Variants in NELL2 observed in about 807,000 individuals in gnomAD.
NELL2 encodes the protein neural EGFL like 2.
Under a neutral mutation model 109.6 loss-of-function variants are expected in NELL2, and 41 were observed. The ratio of observed to expected loss-of-function variants is 0.37; its 90% confidence interval spans 0.29 to 0.49. The LOEUF is 0.49. Among genes scored for constraint, NELL2 ranks in the 20% least tolerant of loss-of-function variants. The pLI is 0.98. For missense variants in NELL2, 900 were observed against 1,008.3 expected (o/e 0.89, Z 1.45); for synonymous variants, 355 against 344.7 (o/e 1.03, Z -0.33).
At chr12:44,797,284 G>A (rs947714077) in intron 3 of NELL2, among the ~76,000 whole-genome samples, 3 of 152,066 alleles carry the variant, frequency 2.0e-5, no homozygotes, top group Admixed American at 6.6e-5. Flanking sequence ...CAGGCTCAAG[G>A]AACATGAGCC....
chr12:44,911,911 T>C (rs1257117988), intron 1 of NELL2, among the ~76,000 whole-genome samples: 1 of 151,724 alleles, frequency 6.6e-6, no homozygotes, highest in African/African-American at 2.4e-5. Context: ...ATGGCACATG[T>C]ATACATATGT....
At chr12:44,694,514 C>T (rs1387839902) in intron 12 of NELL2, among the ~76,000 whole-genome samples, 1 of 128,414 alleles carries the variant, frequency 7.8e-6, no homozygotes, top group African/African-American at 2.9e-5. Context: ...ATACAACACA[C>T]ATACAAACAC....
At chr12:44,614,214 T>C (rs973339645) in intron 13 of NELL2, among the ~76,000 whole-genome samples, 4 of 152,040 alleles carry the variant, frequency 2.6e-5, no homozygotes, top group Admixed American at 6.6e-5. Flanking sequence ...TGAAATCAAA[T>C]GCATCATTTT....
intron 13 of NELL2, among the ~76,000 whole-genome samples, chr12:44,627,352 G>A (rs755393628): frequency 2.0e-5 from 3 of 151,328 alleles, no homozygotes; most frequent in South Asian, 4.2e-4. Flanking sequence ...TTCTAACAAA[G>A]TTTTGCTTTG....
chr12:44,738,477 T>TAAA (rs78566142), intron 9 of NELL2, among the ~76,000 whole-genome samples: 47 of 142,794 alleles, frequency 3.3e-4, no homozygotes, highest in African/African-American at 1.0e-3. Flanking sequence ...TTATTTATCT[T>TAAA]AAAAAAAAAA....
intron 13 of NELL2, among the ~76,000 whole-genome samples, chr12:44,651,235 T>C (rs928498427): frequency 6.6e-6 from 1 of 152,164 alleles, no homozygotes; most frequent in African/African-American, 2.4e-5. Context: ...GCCAAAAAGA[T>C]TGGGGATCAC....
intron 15 of NELL2, among the ~76,000 whole-genome samples, chr12:44,559,258 A>C (rs1016003502): frequency 2.0e-5 from 3 of 152,246 alleles, no homozygotes; most frequent in Non-Finnish European, 4.4e-5. Flanking sequence ...CACTATGAAG[A>C]AACTGCATCA....
chr12:44,865,295 A>G (rs12816091), intron 2 of NELL2, among the ~76,000 whole-genome samples: 139,386 of 141,192 alleles, frequency 0.99, 68,846 homozygotes, highest in East Asian at 1. Context: ...AGTAGGTTGC[A>G]AAAATTTTCT....
intron 12 of NELL2, among the ~76,000 whole-genome samples, chr12:44,696,815 C>T (rs1288358025): frequency 6.6e-6 from 1 of 152,104 alleles, no homozygotes; most frequent in African/African-American, 2.4e-5. Context: ...CTCTACATTG[C>T]CTCTATTTTA....
At chr12:44,644,611 TATATATATATATATAC>T (rs1482193827) in intron 13 of NELL2, among the ~76,000 whole-genome samples, 8 of 85,748 alleles carry the variant, frequency 9.3e-5, no homozygotes, top group Non-Finnish European at 1.7e-4. Flanking sequence ...TATGTATGTA[TATATATATATATATAC>T]ATACATATAT....
intron 11 of NELL2, among the ~76,000 whole-genome samples, chr12:44,707,243 T>C (rs1269526778): frequency 1.3e-5 from 2 of 152,104 alleles, no homozygotes; most frequent in Non-Finnish European, 2.9e-5. Context: ...CAGGGCATAT[T>C]ATCTACTTCA....
chr12:44,617,565 G>T (rs951985337), intron 13 of NELL2, among the ~76,000 whole-genome samples: 1 of 133,824 alleles, frequency 7.5e-6, no homozygotes, highest in Non-Finnish European at 1.5e-5. Flanking sequence ...AGTGGCGGGC[G>T]CCTGTAGTCC....
chr12:44,597,458 G>T (rs555158948), intron 15 of NELL2, among the ~76,000 whole-genome samples: 2 of 152,180 alleles, frequency 1.3e-5, no homozygotes, highest in Non-Finnish European at 2.9e-5. Context: ...GGAGAGTTTT[G>T]TTTCATAGAC....
chr12:44,575,344 A>G (rs1466982369), intron 15 of NELL2, among the ~76,000 whole-genome samples: 1 of 152,266 alleles, frequency 6.6e-6, no homozygotes, highest in Admixed American at 6.5e-5. Flanking sequence ...TTTTTCAATC[A>G]GGTATGTGCA....
chr12:44,739,848 C>T (rs139424309), intron 9 of NELL2, among the ~76,000 whole-genome samples: 1,998 of 152,176 alleles, frequency 0.013, 36 homozygotes, highest in African/African-American at 0.041. Flanking sequence ...CAAGATTGCG[C>T]GACTGCACTC....
At chr12:44,679,128 G>A (rs2047393720) in intron 12 of NELL2, among the ~76,000 whole-genome samples, 1 of 152,122 alleles carries the variant, frequency 6.6e-6, no homozygotes, top group South Asian at 2.1e-4. Flanking sequence ...AGGAAGAGAT[G>A]AGATTTAGTA....
intron 9 of NELL2, among the ~76,000 whole-genome samples, chr12:44,767,010 T>C (rs1205409291): frequency 6.6e-6 from 1 of 152,198 alleles, no homozygotes. Flanking sequence ...TACTGTCTAT[T>C]ATTTTTTAAT....
chr12:44,589,713 T>C (rs566632148), intron 15 of NELL2, among the ~76,000 whole-genome samples: 1 of 152,300 alleles, frequency 6.6e-6, no homozygotes, highest in East Asian at 1.9e-4. Context: ...TCCTTTAAGG[T>C]TGCTCTTAAT....
At chr12:44,896,051 T>A (rs1945589226) in intron 1 of NELL2, among the ~76,000 whole-genome samples, 1 of 152,002 alleles carries the variant, frequency 6.6e-6, no homozygotes. Flanking sequence ...AAAGCAAGAG[T>A]CCGAGATTTC....
Sources: gnomAD v4.1 joint callset for allele counts (sites outside exome capture counted in the v4.1 genomes callset) on GRCh38, gnomAD v4.1.1 for gene constraint, MANE v1.5 for transcripts, NCBI Gene and HGNC (gene_info 2026-07-23, HGNC 2026-07-21) for gene names.